The following PTCHD4 variants were observed in gnomAD, a reference collection of about 807,000 sequenced individuals.
PTCHD4 encodes patched domain-containing protein 4.
Under a neutral mutation model 58.1 loss-of-function variants are expected in PTCHD4, and 33 were observed. The ratio of observed to expected loss-of-function variants is 0.57; its 90% CI spans 0.43 to 0.76. The LOEUF (loss-of-function observed/expected upper bound fraction) is 0.76. Among genes scored for constraint, PTCHD4 ranks in the 30% least tolerant of loss-of-function variants. PTCHD4 has a pLI of 0.00. For synonymous variants in PTCHD4, 478 were observed against 409.6 expected (o/e 1.17, Z -2.02); for missense variants, 1,058 against 1,027.1 (o/e 1.03, Z -0.41).
intron 3 of PTCHD4, among the ~76,000 whole-genome samples, chr6:48,040,325 C>T (rs1316282639): frequency 6.6e-6 from 1 of 151,834 alleles, no homozygotes; most frequent in African/African-American, 2.4e-5. Context: ...ATAATGGATC[C>T]CTGGCAAGTG....
intron 3 of PTCHD4, among the ~76,000 whole-genome samples, chr6:48,014,469 T>C (rs567943760): frequency 2.0e-5 from 3 of 152,124 alleles, no homozygotes; most frequent in Admixed American, 6.6e-5. Flanking sequence ...TCAGGAATCA[T>C]GTGAGCTGAG....
intron 4 of PTCHD4, among the ~76,000 whole-genome samples, chr6:48,007,780 T>C (rs111242438): frequency 7.2e-5 from 11 of 152,278 alleles, no homozygotes; most frequent in African/African-American, 2.4e-4. Context: ...ACATAGGGAA[T>C]TACATCACAC....
chr6:48,045,894 T>C (rs1764020237), intron 3 of PTCHD4, among the ~76,000 whole-genome samples: 1 of 151,670 alleles, frequency 6.6e-6, no homozygotes, highest in Admixed American at 6.6e-5. Context: ...CTCACTGAAA[T>C]GTTTGTTGAA....
In PTCHD4 at chr6:47,869,431, A is replaced by G. The variant is rs533052905; in HGVS notation, c.*8872T>C. Among the ~76,000 whole-genome samples the G allele has an allele frequency of 6.6e-6, 1 of 151,878 alleles. No individual in the cohort carries two copies. Among genetic ancestry groups the G allele is most frequent in the East Asian group, 1.9e-4 (1 of 5,130 alleles). The stretch of plus-strand genomic sequence containing the variant: ...AATATTACTACAATAATGCAATGTA[A>G]TGCAGTGATAAATTTTAGGTAGAAT... On this transcript the variant is annotated 3_prime_UTR_variant, in exon 5 of 5. Transcript: ENST00000339488.
At chr6:48,101,601 G>A (rs1174972208) in intron 1 of PTCHD4, among the ~76,000 whole-genome samples, 1 of 152,114 alleles carries the variant, frequency 6.6e-6, no homozygotes, top group Non-Finnish European at 1.5e-5. Context: ...CCTTTTCCCT[G>A]TTCAGGTAAA....
chr6:48,045,046 G>A (rs1031620498), intron 3 of PTCHD4, among the ~76,000 whole-genome samples: 3 of 151,594 alleles, frequency 2.0e-5, no homozygotes, highest in African/African-American at 7.3e-5. Context: ...GACCTTTTAT[G>A]ACAGCCCTTC....
chr6:47,969,217 C>A (rs1436352965), intron 4 of PTCHD4, among the ~76,000 whole-genome samples: 1 of 152,164 alleles, frequency 6.6e-6, no homozygotes, highest in Non-Finnish European at 1.5e-5. Flanking sequence ...TTCAGGATTT[C>A]AGCAGTACAT....
intron 4 of PTCHD4, among the ~76,000 whole-genome samples, chr6:47,942,877 A>C (rs1766286371): frequency 6.6e-6 from 1 of 152,212 alleles, no homozygotes; most frequent in South Asian, 2.1e-4. Flanking sequence ...TCAGTTGAGA[A>C]ATTCAGCAAG....
At chr6:48,091,919 G>A (rs1368838026) in intron 1 of PTCHD4, among the ~76,000 whole-genome samples, 4 of 151,962 alleles carry the variant, frequency 2.6e-5, no homozygotes, top group Non-Finnish European at 5.9e-5. Flanking sequence ...CAAAGTGCTA[G>A]CATTACAGGC....
In PTCHD4 at chr6:48,039,026, T is replaced by C. The variant is rs192399660; in HGVS notation, c.417+29204A>G. 3.3e-5 allele frequency among the ~76,000 whole-genome samples: 5 copies of C among 152,276 alleles called. No individual in the cohort carries two copies. The East Asian group carries it at 9.7e-4, about 29-fold the overall frequency. On this transcript the variant is annotated intron_variant, in intron 3 of 4. Transcript: ENST00000339488. The stretch of plus-strand genomic sequence containing the variant: ...AGGTAAAAATGCAGAGACTCCATGA[T>C]TCTGAGATTACTCTCTTAGCTGGGG...
intron 1 of PTCHD4, among the ~76,000 whole-genome samples, chr6:48,108,645 T>C (rs1290068338): frequency 6.6e-6 from 1 of 151,808 alleles, no homozygotes; most frequent in Non-Finnish European, 1.5e-5. Flanking sequence ...ACTATTCTTT[T>C]ACTATCTTTC....
chr6:48,054,807 T>C (rs978008322), intron 3 of PTCHD4, among the ~76,000 whole-genome samples: 4 of 152,140 alleles, frequency 2.6e-5, no homozygotes, highest in Admixed American at 2.6e-4. Context: ...TTTATAGAAT[T>C]AGTGCAGGGA....
chr6:47,999,981 C>G lies in PTCHD4; in HGVS notation c.898+8653G>C, dbSNP rs77907053. Reference sequence around the variant, plus strand: ...TTGCCCATCTGTGTTTTCTATACTCCGTGCTGTTGGCTAGCCAATAGAATG... The same window carrying G: ...TTGCCCATCTGTGTTTTCTATACTCGGTGCTGTTGGCTAGCCAATAGAATG... On this transcript the variant is annotated intron_variant, in intron 4 of 4. Coordinates refer to ENST00000339488, the MANE Select transcript of PTCHD4 (RefSeq NM_001384253.1). Among the ~76,000 whole-genome samples the G allele has an allele frequency of 1.7e-4, 26 of 152,260 alleles. 1 individual carries two copies. The highest frequency in any genetic ancestry group is 6.3e-4 in the African/African-American group (26 of 41,556).
intron 1 of PTCHD4, among the ~76,000 whole-genome samples, chr6:48,072,590 G>GC: frequency 6.6e-6 from 1 of 152,164 alleles, no homozygotes. Context: ...AGATCTGGGT[G>GC]CCAGATATGC....
intron 3 of PTCHD4, among the ~76,000 whole-genome samples, chr6:48,013,749 G>T (rs1762773919): frequency 6.6e-6 from 1 of 152,046 alleles, no homozygotes; most frequent in African/African-American, 2.4e-5. Context: ...GAAAGAGAAA[G>T]TTTTTAAAAA....
chr6:48,053,768 A>T (rs186886188), intron 3 of PTCHD4, among the ~76,000 whole-genome samples: 73 of 152,230 alleles, frequency 4.8e-4, no homozygotes, highest in Non-Finnish European at 6.6e-4. Flanking sequence ...TTTCTAGCCA[A>T]TATTTATAGA....
intron 4 of PTCHD4, among the ~76,000 whole-genome samples, chr6:47,967,839 G>C (rs1767352102): frequency 6.6e-6 from 1 of 152,144 alleles, no homozygotes; most frequent in African/African-American, 2.4e-5. Context: ...TTAGGGTCTT[G>C]CTCTGAATTA....
chr6:47,963,791 C>G (rs1397581032), intron 4 of PTCHD4, among the ~76,000 whole-genome samples: 4 of 152,076 alleles, frequency 2.6e-5, no homozygotes, highest in Admixed American at 1.3e-4. Flanking sequence ...TACTGTCCAA[C>G]AGAGCAATGA....
intron 4 of PTCHD4, among the ~76,000 whole-genome samples, chr6:47,983,698 A>G (rs935186740): frequency 3.9e-5 from 6 of 152,212 alleles, no homozygotes; most frequent in Non-Finnish European, 7.4e-5. Context: ...CGATGACCTT[A>G]GCAAAATATG....
Sources: allele counts gnomAD v4.1 joint callset (sites outside exome capture counted in the v4.1 genomes callset), GRCh38; gene constraint gnomAD v4.1.1; transcripts MANE v1.5; gene names NCBI Gene and HGNC (gene_info 2026-07-23, HGNC 2026-07-21).